Variants in GLP1R observed in about 807,000 individuals in gnomAD.
GLP1R encodes the protein glucagon-like peptide 1 receptor.
A neutral mutation model predicts 68.4 loss-of-function variants in GLP1R; 32 were observed. That is an observed-to-expected ratio of 0.47 (90% CI 0.35 to 0.63). The LOEUF (loss-of-function observed/expected upper bound fraction) is 0.63. Among genes scored for constraint, GLP1R ranks in the 20% least tolerant of loss-of-function variants. GLP1R has a pLI of 0.00. For missense variants in GLP1R, 502 were observed against 594.9 expected (o/e 0.84, Z 1.62); for synonymous variants, 263 against 244.4 (o/e 1.08, Z -0.71).
chr6:39,073,806 C>T (rs554140669), intron 7 of GLP1R, 37 bp downstream of exon 7: 19 of 1,598,366 alleles, frequency 1.2e-5, no homozygotes, highest in Admixed American at 1.0e-4. Flanking sequence ...ACCTGTGGCA[C>T]GGGGGTGGGA....
Position 39,072,693 on chromosome 6 carries a change from A to G in GLP1R, c.510-169A>G, listed in dbSNP as rs9296285. On this transcript the variant is annotated intron_variant, in intron 5 of 12. Coordinates refer to ENST00000373256, the MANE Select transcript of GLP1R (RefSeq NM_002062.5). ...CATGGAGAGGCAGGATTTGAGTTGG[A>G]CAGAAGGATTTTCACGATGATGAGG... Among the ~76,000 whole-genome samples the G allele has an allele frequency of 0.016, 2,463 of 152,282 alleles. 183 individuals are homozygous for G. The East Asian group carries it at 0.22, about 13-fold the overall frequency.
At chr6:39,055,819 G>A (rs1768197952) in intron 1 of GLP1R, among the ~76,000 whole-genome samples, 1 of 152,194 alleles carries the variant, frequency 6.6e-6, no homozygotes, top group South Asian at 2.1e-4. Context: ...AGCCCTGAAC[G>A]CCACTACTCT....
chr6:39,079,725 T>G lies in GLP1R; in HGVS notation c.1182+23T>G. 1 of 1,606,762 alleles carries G rather than the reference T, an allele frequency of 6.2e-7. No individual in the cohort carries two copies. The highest frequency in any genetic ancestry group is 8.5e-7 in the Non-Finnish European group (1 of 1,174,378). On this transcript the variant is annotated intron_variant, in intron 11 of 12. Coordinates refer to ENST00000373256, the MANE Select transcript of GLP1R (RefSeq NM_002062.5). This position sits in a 1 kb window ranked among gnomAD's most constrained non-coding sequence, Gnocchi z 4.5. ...CAGGTGACTTCATGCTTGGGGACAC[T>G]TGCTTGTAAAGTCCTAGAGTGGGGG...
At chr6:39,072,733 TAGA>T (rs1168754110) in intron 5 of GLP1R, 126 bp from the exon 6 acceptor site, 2 of 739,820 alleles carry the variant, frequency 2.7e-6, no homozygotes, top group South Asian at 1.8e-5. Context: ...AGGGTATTCA[TAGA>T]AGAAGACACA....
intron 5 of GLP1R, among the ~76,000 whole-genome samples, chr6:39,070,748 A>G (rs1056261101): frequency 5.3e-5 from 8 of 151,840 alleles, no homozygotes; most frequent in Non-Finnish European, 1.0e-4. Context: ...TTGCTTTTTC[A>G]TATCCTTTGC....
rs777835186 is a variant in GLP1R at position 39,079,083 on chromosome 6, C to T, written c.955-29C>T. On this transcript the variant is annotated intron_variant, in intron 9 of 12. Coordinates refer to ENST00000373256, the MANE Select transcript of GLP1R (RefSeq NM_002062.5). The surrounding 1 kb of genome is among the most constrained non-coding windows in gnomAD (Gnocchi z 4.5). ...GCTATGATAGGGCTGGGCTGGTGCC[C>T]CCTGCCAATCCCCGGCCCCACCCCG... The T allele has an allele frequency of 6.2e-7, 1 of 1,605,522 alleles. No individual in the cohort carries two copies. Among genetic ancestry groups the T allele is most frequent in the Admixed American group, 1.7e-5 (1 of 59,986 alleles).
At chr6:39,062,197 G>A (rs1402023271) in intron 3 of GLP1R, among the ~76,000 whole-genome samples, 4 of 152,198 alleles carry the variant, frequency 2.6e-5, no homozygotes, top group Non-Finnish European at 5.9e-5. Context: ...CCAGCAGCAG[G>A]GTCTGGCTTA....
At chr6:39,057,335 T>C (rs924910996) in intron 2 of GLP1R, 137 bp from the exon 3 acceptor site, 16 of 635,428 alleles carry the variant, frequency 2.5e-5, no homozygotes, top group Non-Finnish European at 4.3e-5. Context: ...GTGGGGAAAG[T>C]GCTTGGCATA....
chr6:39,082,672 C>T (rs1769036982), intron 12 of GLP1R, among the ~76,000 whole-genome samples: 1 of 152,182 alleles, frequency 6.6e-6, no homozygotes, highest in African/African-American at 2.4e-5. Context: ...GGCCTCCCCT[C>T]CAGGAATGCT....
rs190774394 is a variant in GLP1R at position 39,049,460 on chromosome 6, C to T, written c.78+542C>T. 9.9e-5 allele frequency among the ~76,000 whole-genome samples: 15 copies of T among 152,250 alleles called. No individual in the cohort carries two copies. The highest frequency in any genetic ancestry group is 3.6e-4 in the African/African-American group (15 of 41,536). On this transcript the variant is annotated intron_variant, in intron 1 of 12. Coordinates refer to ENST00000373256, the MANE Select transcript of GLP1R (RefSeq NM_002062.5). The surrounding 1 kb of genome is among the most constrained non-coding windows in gnomAD (Gnocchi z 4.5). ...CCTTTCTCATCAGCCCCCAGCACAG[C>T]CTTTGATTCATGGCTCCTGGGGCCC... is the stretch of plus-strand genomic sequence containing the variant.
At chr6:39,054,299 G>A (rs1332317541) in intron 1 of GLP1R, among the ~76,000 whole-genome samples, 2 of 151,990 alleles carry the variant, frequency 1.3e-5, no homozygotes, top group African/African-American at 4.8e-5. Flanking sequence ...CTGTAAATAC[G>A]AGGCGTGGGA....
At chr6:39,077,519 G>C (rs949623708) in intron 7 of GLP1R, among the ~76,000 whole-genome samples, 7 of 152,236 alleles carry the variant, frequency 4.6e-5, no homozygotes, top group Admixed American at 4.6e-4. Context: ...ATCAGAGAAA[G>C]AGAAAGAGAA....
chr6:39,079,754 G>A lies in GLP1R; in HGVS notation c.1182+52G>A. 2 of 1,500,348 alleles carry A rather than the reference G, an allele frequency of 1.3e-6. No homozygotes were observed. The highest frequency in any genetic ancestry group is 9.2e-7 in the Non-Finnish European group (1 of 1,083,018). 92.9% of individuals were successfully genotyped at this position (1,500,348 alleles called of 1,614,324 possible). A position where few individuals can be genotyped will look rare whatever the true frequency, so the allele number is the denominator to read the frequency against. On this transcript the variant is annotated intron_variant, in intron 11 of 12. Coordinates refer to ENST00000373256, the MANE Select transcript of GLP1R (RefSeq NM_002062.5). The surrounding 1 kb of genome is among the most constrained non-coding windows in gnomAD (Gnocchi z 4.5). ...TTGTAAAGTCCTAGAGTGGGGGTGG[G>A]ACAGACACCAGCCTGCATCATGCAG...
chr6:39,051,479 C>G (rs1027021330), intron 1 of GLP1R, among the ~76,000 whole-genome samples: 1 of 152,112 alleles, frequency 6.6e-6, no homozygotes, highest in African/African-American at 2.4e-5. Context: ...TTGATCAGTG[C>G]GGACATTGTT....
In GLP1R at chr6:39,086,998, A is replaced by C. The variant is rs1433875583; in HGVS notation, c.*925A>C. 1 of 152,270 alleles carries C rather than the reference A, an allele frequency of 6.6e-6. No individual in the cohort carries two copies. Among genetic ancestry groups the C allele is most frequent in the African/African-American group, 2.4e-5 (1 of 41,452 alleles). 9.4% of individuals were successfully genotyped at this position (152,270 alleles called of 1,614,324 possible). A position where few individuals can be genotyped will look rare whatever the true frequency, so the allele number is the denominator to read the frequency against. On this transcript the variant is annotated 3_prime_UTR_variant, in exon 13 of 13. Transcript: ENST00000373256. This position sits in a 1 kb window ranked among gnomAD's most constrained non-coding sequence, Gnocchi z 4.5. ...GACATTGCCTCCACCTCTCCTTGGA[A>C]ATACTTTATCTGTGACCACACGCTG...
At position 39,066,178 on chromosome 6, in the gene GLP1R, T is replaced by C; in HGVS notation, c.403-19T>C. 7.4e-7 allele frequency: 1 copy of C among 1,346,732 alleles called. No individual in the cohort carries two copies. The highest frequency in any genetic ancestry group is 2.3e-5 in the East Asian group (1 of 43,662). The allele number at this position is 1,346,732 out of a possible 1,614,324, so 83.4% of individuals were successfully genotyped here. A position where few individuals can be genotyped will look rare whatever the true frequency, so the allele number is the denominator to read the frequency against. Reference sequence around the variant, plus strand: ...GCCATGGGCTGCCCATGTACACGTATGTCCCCCGTGTGCCACAGAGCTCCC... The same window carrying C: ...GCCATGGGCTGCCCATGTACACGTACGTCCCCCGTGTGCCACAGAGCTCCC... On this transcript the variant is annotated intron_variant, in intron 4 of 12. Transcript: ENST00000373256.
rs1185048863 is a variant in GLP1R at position 39,079,395 on chromosome 6, T to G, written c.1044-169T>G. On this transcript the variant is annotated intron_variant, in intron 10 of 12. Coordinates refer to ENST00000373256, the MANE Select transcript of GLP1R (RefSeq NM_002062.5). This position sits in a 1 kb window ranked among gnomAD's most constrained non-coding sequence, Gnocchi z 4.5. ...GGCAGCCCCTGGACTTGTTGGGGTC[T>G]TGACCTCTATTCTTTCCCTCCAGGC... 6.6e-6 allele frequency among the ~76,000 whole-genome samples: 1 copy of G among 152,188 alleles called. No individual in the cohort carries two copies. Among genetic ancestry groups the G allele is most frequent in the Non-Finnish European group, 1.5e-5 (1 of 68,026 alleles).
intron 1 of GLP1R, among the ~76,000 whole-genome samples, chr6:39,054,620 T>A (rs1030632971): frequency 1.3e-5 from 2 of 151,688 alleles, no homozygotes; most frequent in Non-Finnish European, 2.9e-5. Context: ...CGTTAACCCC[T>A]CCCCCCGCCT....
intron 11 of GLP1R, among the ~76,000 whole-genome samples, chr6:39,080,452 C>G (rs1768971690): frequency 6.6e-6 from 1 of 152,204 alleles, no homozygotes; most frequent in Non-Finnish European, 1.5e-5. Context: ...TGGCACATGC[C>G]TGGGAGACCC....
Sources: gnomAD v4.1 joint callset for allele counts (sites outside exome capture counted in the v4.1 genomes callset) on GRCh38, gnomAD v4.1.1 for gene constraint, Gnocchi (gnomAD v3.1) non-coding constraint, MANE v1.5 for transcripts, NCBI Gene and HGNC (gene_info 2026-07-23, HGNC 2026-07-21) for gene names.